SMG6: variants seen among roughly 807,000 people sequenced by gnomAD.
SMG6 encodes the protein telomerase-binding protein EST1A.
Under a neutral mutation model 142.2 loss-of-function variants are expected in SMG6, and 66 were observed. The ratio of observed to expected loss-of-function variants is 0.46; its 90% CI spans 0.38 to 0.57. The LOEUF is 0.57. Ranked by LOEUF, SMG6 falls within the 20% of genes least tolerant of loss-of-function variation. SMG6 has a pLI of 0.00. For missense variants in SMG6, 1,793 were observed against 1,832.0 expected, an observed-to-expected ratio of 0.98 and a Z score of 0.39; for synonymous variants, 779 against 702.4, an observed-to-expected ratio of 1.11 and a Z score of -1.72.
chr17:2,087,107 A>G, intron 13 of SMG6: 1 of 1,290,518 alleles, frequency 7.7e-7, no homozygotes, highest in Non-Finnish European at 1.0e-6. Flanking sequence ...TTACAGGTGC[A>G]GGTGTTCTCT....
At chr17:2,236,743 ACACACAC>A (rs2073671659) in intron 9 of SMG6, 106 bp from the exon 10 acceptor site, 9 of 979,256 alleles carry the variant, frequency 9.2e-6, no homozygotes, top group East Asian at 2.9e-5. Flanking sequence ...ACACACACAC[ACACACAC>A]ACCAGACAAC....
intron 6 of SMG6, among the ~76,000 whole-genome samples, chr17:2,291,089 T>C (rs1048783009): frequency 1.3e-5 from 2 of 152,114 alleles, no homozygotes; most frequent in Non-Finnish European, 2.9e-5. Flanking sequence ...CCCAGCACTT[T>C]GGGAGGCCGA....
intron 13 of SMG6, among the ~76,000 whole-genome samples, chr17:2,170,301 G>GT (rs1431839002): frequency 2.0e-5 from 3 of 152,148 alleles, no homozygotes; most frequent in African/African-American, 7.2e-5. Context: ...CACATACGTG[G>GT]TATCTGACAC....
intron 13 of SMG6, among the ~76,000 whole-genome samples, chr17:2,136,924 C>T (rs551849456): frequency 6.6e-6 from 1 of 151,958 alleles, no homozygotes; most frequent in South Asian, 2.1e-4. Flanking sequence ...TTTGGGAGGC[C>T]GAGGCAGGAG....
At chr17:2,260,382 G>A (rs914690648) in intron 8 of SMG6, among the ~76,000 whole-genome samples, 2 of 152,228 alleles carry the variant, frequency 1.3e-5, no homozygotes, top group Non-Finnish European at 2.9e-5. Context: ...CTGTTGGTGA[G>A]AGACTCAGTT....
At chr17:2,280,970 G>A (rs1446175962) in intron 8 of SMG6, among the ~76,000 whole-genome samples, 1 of 152,170 alleles carries the variant, frequency 6.6e-6, no homozygotes, top group East Asian at 1.9e-4. Flanking sequence ...AACTCAGGAG[G>A]CTGAGGCAGG....
At chr17:2,089,538 G>A (rs917139418) in intron 13 of SMG6, 16 of 152,440 alleles carry the variant, frequency 1.0e-4, no homozygotes, top group Admixed American at 2.0e-4. Flanking sequence ...TTTAGGTCAG[G>A]GAAGAGCTGA....
intron 13 of SMG6, among the ~76,000 whole-genome samples, chr17:2,133,863 C>T (rs1186008544): frequency 6.6e-6 from 1 of 152,160 alleles, no homozygotes; most frequent in Non-Finnish European, 1.5e-5. Flanking sequence ...TTTCTTCCTC[C>T]ATTAAGCTGC....
chr17:2,258,008 CAAAAAAAAAA>C (rs869066817), intron 8 of SMG6, among the ~76,000 whole-genome samples: 28 of 26,654 alleles, frequency 1.1e-3, no homozygotes, highest in South Asian at 3.7e-3. Context: ...GACTCTGTCG[CAAAAAAAAAA>C]AAAAAAAAAA....
At chr17:2,161,689 A>G (rs1018807047) in intron 13 of SMG6, among the ~76,000 whole-genome samples, 1 of 151,770 alleles carries the variant, frequency 6.6e-6, no homozygotes, top group Non-Finnish European at 1.5e-5. Flanking sequence ...AGTACCACTC[A>G]GAGCACTCTC....
At chr17:2,143,606 G>C (rs1215696183) in intron 13 of SMG6, among the ~76,000 whole-genome samples, 2 of 152,208 alleles carry the variant, frequency 1.3e-5, no homozygotes, top group African/African-American at 4.8e-5. Context: ...GCGATAGGTA[G>C]AGGGTTTCTT....
At chr17:2,176,115 C>T (rs1306214652) in intron 12 of SMG6, among the ~76,000 whole-genome samples, 1 of 152,220 alleles carries the variant, frequency 6.6e-6, no homozygotes, top group Non-Finnish European at 1.5e-5. Context: ...GAGGTAATTC[C>T]TGGAAGCTGG....
chr17:2,291,318 G>A (rs555394201), intron 6 of SMG6, among the ~76,000 whole-genome samples: 27 of 151,050 alleles, frequency 1.8e-4, no homozygotes, highest in East Asian at 9.8e-4. Context: ...GCGACAGAGC[G>A]AGACTCCGTC....
At chr17:2,204,728 C>A (rs964534196) in intron 10 of SMG6, among the ~76,000 whole-genome samples, 1 of 152,154 alleles carries the variant, frequency 6.6e-6, no homozygotes, top group Non-Finnish European at 1.5e-5. Flanking sequence ...CTTTGGGATG[C>A]GAGGTAGGCG....
intron 6 of SMG6, among the ~76,000 whole-genome samples, chr17:2,285,328 A>G (rs1382465709): frequency 1.3e-5 from 2 of 152,214 alleles, no homozygotes; most frequent in African/African-American, 2.4e-5. Context: ...GCTAACAGAC[A>G]ACTAAGATGA....
intron 6 of SMG6, among the ~76,000 whole-genome samples, chr17:2,289,496 G>A (rs1339898564): frequency 6.6e-6 from 1 of 152,104 alleles, no homozygotes; most frequent in East Asian, 1.9e-4. Context: ...GGTCGAGACT[G>A]CAGTGAGCTA....
chr17:2,173,199 C>T, intron 12 of SMG6: 1 of 308,102 alleles, frequency 3.2e-6, no homozygotes, highest in Non-Finnish European at 6.2e-6. Flanking sequence ...TCTAGACACC[C>T]AGTGCTTGTG....
intron 13 of SMG6, chr17:2,087,045 T>G (rs1208286844): frequency 7.7e-7 from 1 of 1,290,350 alleles, no homozygotes; most frequent in African/African-American, 1.5e-5. Context: ...TAATAAGCCT[T>G]CTATCTGCAG....
intron 13 of SMG6, among the ~76,000 whole-genome samples, chr17:2,154,991 T>A (rs2070956129): frequency 6.6e-6 from 1 of 151,790 alleles, no homozygotes. Flanking sequence ...GCCACTGCAT[T>A]CCAGCACTGG....
Sources: gnomAD v4.1 joint callset for allele counts (sites outside exome capture counted in the v4.1 genomes callset) on GRCh38, gnomAD v4.1.1 for gene constraint, MANE v1.5 for transcripts, NCBI Gene and HGNC (gene_info 2026-07-23, HGNC 2026-07-21) for gene names.